Variants in SEMA3E observed in about 807,000 individuals in gnomAD.
The protein encoded by SEMA3E is semaphorin 3E, also known as semaphorin-3E.
In SEMA3E, 49 loss-of-function variants were observed where a neutral mutation model predicts 93.6. That is an observed-to-expected ratio of 0.52 (90% CI 0.42 to 0.66). The LOEUF is 0.66. Ranked by LOEUF, SEMA3E falls within the 30% of genes least tolerant of loss-of-function variation. The probability of loss-of-function intolerance (pLI) is 0.00; values close to 1 mark genes in which losing one functional copy is unlikely to be tolerated. For synonymous variants in SEMA3E, 363 were observed against 330.7 expected (o/e 1.10, Z -1.06); for missense variants, 906 against 964.8 (o/e 0.94, Z 0.81).
At chr7:83,552,281 T>C (rs539405672) in intron 1 of SEMA3E, among the ~76,000 whole-genome samples, 13 of 152,316 alleles carry the variant, frequency 8.5e-5, no homozygotes, top group African/African-American at 2.9e-4. Flanking sequence ...AATAATACTT[T>C]TATAATTTCT....
chr7:83,385,152 TAACA>T (rs1562755495), intron 16 of SEMA3E, 138 bp downstream of exon 16: 2 of 707,886 alleles, frequency 2.8e-6, no homozygotes, highest in Admixed American at 2.7e-5. Flanking sequence ...AAATCACACA[TAACA>T]AATAAAACTG....
At chr7:83,609,946 C>A (rs1443797612) in intron 1 of SEMA3E, among the ~76,000 whole-genome samples, 1 of 151,792 alleles carries the variant, frequency 6.6e-6, no homozygotes, top group Non-Finnish European at 1.5e-5. Flanking sequence ...GCCAAAGAGA[C>A]TCCCCTCTAT....
At chr7:83,512,642 G>A (rs758299606) in intron 1 of SEMA3E, among the ~76,000 whole-genome samples, 13 of 152,068 alleles carry the variant, frequency 8.5e-5, no homozygotes, top group Admixed American at 2.6e-4. Flanking sequence ...CCTAAAATAC[G>A]TCAAGTTTCT....
chr7:83,413,014 A>G (rs538932434), intron 5 of SEMA3E, among the ~76,000 whole-genome samples: 1 of 152,248 alleles, frequency 6.6e-6, no homozygotes, highest in East Asian at 1.9e-4. Flanking sequence ...TCAACACTAA[A>G]TTGCTTATGT....
chr7:83,557,934 C>T (rs1048512224), intron 1 of SEMA3E, among the ~76,000 whole-genome samples: 1 of 152,110 alleles, frequency 6.6e-6, no homozygotes, highest in Non-Finnish European at 1.5e-5. Context: ...CTCATTTGCA[C>T]ATATGCCCAA....
intron 16 of SEMA3E, among the ~76,000 whole-genome samples, chr7:83,381,730 A>T (rs1242198534): frequency 6.6e-6 from 1 of 152,020 alleles, no homozygotes; most frequent in Non-Finnish European, 1.5e-5. Context: ...AATTAGATGG[A>T]GTACTCTGTA....
At chr7:83,593,113 T>C (rs1173216344) in intron 1 of SEMA3E, among the ~76,000 whole-genome samples, 2 of 152,036 alleles carry the variant, frequency 1.3e-5, no homozygotes, top group East Asian at 3.9e-4. Context: ...CCACCACAAC[T>C]GGACAATAAA....
In SEMA3E at chr7:83,490,170, C is replaced by A. The variant is rs1285951013; in HGVS notation, c.220G>T (p.Gly74Cys). The change falls in exon 2 of 17, where the codon GGC becomes TGC. Residue 74 changes from glycine (G) to cysteine (C), a missense_variant. Coordinates refer to ENST00000643230, the MANE Select transcript of SEMA3E (RefSeq NM_012431.3). ...CTGAGGGAATATACAAGGTCCCTGCCTCCCACGAAGAGCCTCTCTTGATAT... is the reference window on the plus strand; with the variant it reads ...CTGAGGGAATATACAAGGTCCCTGCATCCCACGAAGAGCCTCTCTTGATAT... Reference protein sequence around the residue: ...DEYQERLFVGGRDLVYSLSLE... With the variant: ...DEYQERLFVGCRDLVYSLSLE... 6.2e-7 allele frequency: 1 copy of A among 1,613,094 alleles called. No homozygotes were observed. The highest frequency in any genetic ancestry group is 1.1e-5 in the South Asian group (1 of 91,066).
At chr7:83,454,272 A>AAAATATATATATATATAT (rs1257792756) in intron 4 of SEMA3E, among the ~76,000 whole-genome samples, 1 of 110,134 alleles carries the variant, frequency 9.1e-6, no homozygotes, top group African/African-American at 4.3e-5. Flanking sequence ...AAAAAAAAAA[A>AAAATATATATATATATAT]ATATATATAT....
At chr7:83,609,110 T>C (rs765327180) in intron 1 of SEMA3E, among the ~76,000 whole-genome samples, 9 of 152,064 alleles carry the variant, frequency 5.9e-5, no homozygotes, top group Non-Finnish European at 1.0e-4. Context: ...CTTAAAAACA[T>C]TTTAAATAAT....
intron 1 of SEMA3E, among the ~76,000 whole-genome samples, chr7:83,556,489 A>C (rs568010103): frequency 6.6e-6 from 1 of 152,254 alleles, no homozygotes; most frequent in South Asian, 2.1e-4. Context: ...TTCGTGAGAA[A>C]ATTGTGTTTA....
intron 4 of SEMA3E, among the ~76,000 whole-genome samples, chr7:83,443,646 C>T (rs1300943108): frequency 6.6e-6 from 1 of 151,876 alleles, no homozygotes; most frequent in African/African-American, 2.4e-5. Flanking sequence ...AGTAATTAGT[C>T]CAGAAAGCTG....
At chr7:83,537,352 C>T (rs1239479800) in intron 1 of SEMA3E, among the ~76,000 whole-genome samples, 1 of 152,034 alleles carries the variant, frequency 6.6e-6, no homozygotes, top group Non-Finnish European at 1.5e-5. Context: ...AGCTTTCTTC[C>T]CCTCCAATTC....
At chr7:83,637,516 G>A (rs2032028490) in intron 1 of SEMA3E, among the ~76,000 whole-genome samples, 1 of 152,132 alleles carries the variant, frequency 6.6e-6, no homozygotes, top group South Asian at 2.1e-4. Flanking sequence ...TAATCCCCAT[G>A]TGTCAAGGGT....
At chr7:83,507,455 T>C (rs985113370) in intron 1 of SEMA3E, among the ~76,000 whole-genome samples, 1 of 148,754 alleles carries the variant, frequency 6.7e-6, no homozygotes, top group Non-Finnish European at 1.5e-5. Context: ...TGTGTGTGTG[T>C]GTGTGTGTGT....
chr7:83,485,429 A>T (rs917747884), intron 2 of SEMA3E, among the ~76,000 whole-genome samples: 36 of 152,232 alleles, frequency 2.4e-4, no homozygotes, highest in Admixed American at 1.3e-4. Flanking sequence ...ATGCATAGCC[A>T]GGATTTAAAC....
At chr7:83,441,025 C>A (rs1789103490) in intron 4 of SEMA3E, among the ~76,000 whole-genome samples, 1 of 152,050 alleles carries the variant, frequency 6.6e-6, no homozygotes, top group Non-Finnish European at 1.5e-5. Context: ...TTTGAAGAGA[C>A]TTACTGGATG....
At chr7:83,519,008 A>G (rs943522157) in intron 1 of SEMA3E, among the ~76,000 whole-genome samples, 8 of 151,760 alleles carry the variant, frequency 5.3e-5, no homozygotes, top group African/African-American at 9.7e-5. Context: ...TTTAGGGTAC[A>G]TGTGCACAAT....
intron 4 of SEMA3E, among the ~76,000 whole-genome samples, chr7:83,445,595 G>A (rs1171016127): frequency 1.3e-5 from 2 of 152,156 alleles, no homozygotes; most frequent in African/African-American, 4.8e-5. Flanking sequence ...GTGGGTGCCT[G>A]TAATCCCAGC....
Sources: gnomAD v4.1 joint callset for allele counts (sites outside exome capture counted in the v4.1 genomes callset) on GRCh38, gnomAD v4.1.1 for gene constraint, MANE v1.5 for transcripts, NCBI Gene and HGNC (gene_info 2026-07-23, HGNC 2026-07-21) for gene names.